The following CNIH3 variants were observed in gnomAD, a reference collection of about 807,000 sequenced individuals.
CNIH3 encodes the protein protein cornichon homolog 3.
Under a neutral mutation model 24.1 loss-of-function variants are expected in CNIH3, and 14 were observed. The observed-to-expected ratio is 0.58, with a 90% CI of 0.38 to 0.91. The LOEUF is 0.91. CNIH3 is among the 40% of genes least tolerant of loss of function. The probability of loss-of-function intolerance (pLI) is 0.00; values close to 1 mark genes in which losing one functional copy is unlikely to be tolerated. For missense variants in CNIH3, 178 were observed against 196.8 expected (o/e 0.90, Z 0.57); for synonymous variants, 68 against 73.8 (o/e 0.92, Z 0.40).
intron 1 of CNIH3, among the ~76,000 whole-genome samples, chr1:224,498,539 A>G (rs980782213): frequency 2.0e-5 from 3 of 152,330 alleles, no homozygotes; most frequent in Middle Eastern, 6.8e-3. Context: ...CAGATAAACT[A>G]TGTTGGTAGA....
intron 1 of CNIH3, among the ~76,000 whole-genome samples, chr1:224,647,550 C>T (rs1480069229): frequency 2.6e-5 from 4 of 152,092 alleles, no homozygotes; most frequent in African/African-American, 4.8e-5. Context: ...AAGGCTGTGG[C>T]GGGAAATTAT....
At position 224,470,473 on chromosome 1, in the gene CNIH3, C is replaced by T. The variant is rs528430497; in HGVS notation, n.203+35611C>T. On this transcript the variant is annotated intron_variant and non_coding_transcript_variant, in intron 1 of 5. Coordinates refer to the CNIH3 transcript ENST00000471578. ...AGGGCTACAGGTGTGTGCCACCAGG[C>T]CCAGCTAATTTTGTAAAACTTTTTT... 1.1e-3 allele frequency among the ~76,000 whole-genome samples: 169 copies of T among 152,072 alleles called. 1 individual carries two copies. Among genetic ancestry groups the T allele is most frequent in the Middle Eastern group, 0.01 (3 of 294 alleles).
intron 4 of CNIH3, chr1:224,574,896 C>T: frequency 9.9e-7 from 1 of 1,010,358 alleles, no homozygotes; most frequent in Non-Finnish European, 1.6e-6. Context: ...GGATGAAGGG[C>T]TGGTGAAAGC....
chr1:224,524,139 C>A (rs918042617), intron 2 of CNIH3, among the ~76,000 whole-genome samples: 2 of 152,196 alleles, frequency 1.3e-5, no homozygotes, highest in African/African-American at 4.8e-5. Context: ...AAATCTGCAC[C>A]ATCTGGAAAT....
At chr1:224,513,363 A>AGGG (rs1393338672), upstream of CNIH3, among the ~76,000 whole-genome samples, 5 of 53,908 alleles carry the variant, frequency 9.3e-5, no homozygotes, top group African/African-American at 2.9e-4. Flanking sequence ...TGGGGGTGGG[A>AGGG]GGGGGGGGGT....
At chr1:224,681,397 C>T (rs985413303) in intron 2 of CNIH3, among the ~76,000 whole-genome samples, 7 of 152,188 alleles carry the variant, frequency 4.6e-5, no homozygotes, top group African/African-American at 1.7e-4. Context: ...GTCCGTGCTG[C>T]ACTCTCCACC....
intron 1 of CNIH3, chr1:224,664,626 G>A (rs1685511444): frequency 6.6e-6 from 1 of 152,160 alleles, no homozygotes; most frequent in African/African-American, 2.4e-5. Flanking sequence ...ATATGAGTTT[G>A]GGGAATAGTT....
intron 1 of CNIH3, among the ~76,000 whole-genome samples, chr1:224,677,809 G>C (rs1044764268): frequency 6.6e-6 from 1 of 152,218 alleles, no homozygotes; most frequent in Non-Finnish European, 1.5e-5. Context: ...CACAATGTGG[G>C]GGCTTGGCTC....
chr1:224,577,483 A>G (rs1681084713), intron 4 of CNIH3, among the ~76,000 whole-genome samples: 1 of 152,248 alleles, frequency 6.6e-6, no homozygotes, highest in Non-Finnish European at 1.5e-5. Flanking sequence ...TATCAGGGAA[A>G]TGCAAATCAA....
At position 224,600,778 on chromosome 1, in the gene CNIH3, C is replaced by T. The variant is rs112645659; in HGVS notation, n.402+34514C>T. On this transcript the variant is annotated intron_variant and non_coding_transcript_variant, in intron 3 of 7. Transcript: ENST00000478120. ...CTGTATTTGGAGAAAGTCCCTATAA[C>T]GAGGTAATAAAGGTTAAACGGGGTC... Among the ~76,000 whole-genome samples the T allele has an allele frequency of 5.1e-3, 781 of 152,258 alleles. 4 individuals are homozygous for T. The highest frequency in any genetic ancestry group is 0.018 in the African/African-American group (736 of 41,532).
At chr1:224,689,674 C>T (rs896541242) in intron 3 of CNIH3, among the ~76,000 whole-genome samples, 1 of 152,196 alleles carries the variant, frequency 6.6e-6, no homozygotes, top group African/African-American at 2.4e-5. Flanking sequence ...CCTAAACACC[C>T]TAGAATGTGA....
chr1:224,684,769 T>C lies in CNIH3; in HGVS notation c.151-27T>C. 6.2e-7 allele frequency: 1 copy of C among 1,610,738 alleles called. No individual in the cohort carries two copies. ...TTAGCAGAACCCCTAACCTCCCCTCTCATTTCTTTCTTGTGCATCCTGATA... is the reference window on the plus strand; with the variant it reads ...TTAGCAGAACCCCTAACCTCCCCTCCCATTTCTTTCTTGTGCATCCTGATA... On this transcript the variant is annotated intron_variant, in intron 2 of 5. Coordinates refer to ENST00000272133, the MANE Select transcript of CNIH3 (RefSeq NM_152495.2). The surrounding 1 kb of genome is among the most constrained non-coding windows in gnomAD (Gnocchi z 4.2).
intron 1 of CNIH3, among the ~76,000 whole-genome samples, chr1:224,448,319 TG>T (rs1253369289): frequency 2.0e-5 from 3 of 152,202 alleles, no homozygotes; most frequent in African/African-American, 7.2e-5. Context: ...TACTTGCTTT[TG>T]AGTACCTGTG....
At chr1:224,669,960 C>G (rs959176482) in intron 1 of CNIH3, among the ~76,000 whole-genome samples, 2 of 152,176 alleles carry the variant, frequency 1.3e-5, no homozygotes, top group Non-Finnish European at 2.9e-5. Flanking sequence ...CCCCCACCCC[C>G]ACACCCAACA....
rs115007337 is a variant in CNIH3, at chr1:224,505,433, G to A, written n.204-10308G>A. Among the ~76,000 whole-genome samples the A allele has an allele frequency of 8.4e-3, 1,274 of 152,150 alleles. 15 individuals carry two copies. Among genetic ancestry groups the A allele is most frequent in the African/African-American group, 0.029 (1,188 of 41,484 alleles). ...GTTGTCTGTAAATCTGCAGAGTGAC[G>A]TTACTTCACAATGATGACATATTAC... On this transcript the variant is annotated intron_variant and non_coding_transcript_variant, in intron 1 of 5. Transcript: ENST00000471578.
At position 224,703,441 on chromosome 1, in the gene CNIH3, G is replaced by C. The variant is rs1687612870; in HGVS notation, c.198+18598G>C. ...AAACCAATTAAGTCATAATCTCTGG[G>C]GTGAGACTCAGCATCAGTATTTTAC... is the stretch of plus-strand genomic sequence containing the variant. On this transcript the variant is annotated intron_variant, in intron 3 of 5. Coordinates refer to ENST00000272133, the MANE Select transcript of CNIH3 (RefSeq NM_152495.2). The surrounding 1 kb of genome is among the most constrained non-coding windows in gnomAD (Gnocchi z 4.2). Among the ~76,000 whole-genome samples the C allele has an allele frequency of 6.6e-6, 1 of 152,118 alleles. No homozygotes were observed. The highest frequency in any genetic ancestry group is 1.5e-5 in the Non-Finnish European group (1 of 68,034).
In CNIH3 at chr1:224,603,370, G is replaced by A. The variant is rs140691413; in HGVS notation, n.402+37106G>A. ...CCCAAGATTTTAGTTTTCTTTCACAGGATCAATGCTATCTTCAGTGATTAA... is the reference window on the plus strand; with the variant it reads ...CCCAAGATTTTAGTTTTCTTTCACAAGATCAATGCTATCTTCAGTGATTAA... On this transcript the variant is annotated intron_variant and non_coding_transcript_variant, in intron 3 of 7. Coordinates refer to the CNIH3 transcript ENST00000478120. Among the ~76,000 whole-genome samples, 401 of 152,312 alleles carry A rather than the reference G, an allele frequency of 2.6e-3. 2 individuals carry two copies. The highest frequency in any genetic ancestry group is 3.0e-3 in the Non-Finnish European group (202 of 68,034).
intron 3 of CNIH3, among the ~76,000 whole-genome samples, chr1:224,686,702 A>G (rs901090346): frequency 2.0e-5 from 3 of 152,244 alleles, no homozygotes; most frequent in Admixed American, 1.3e-4. Context: ...ACAATGTTCC[A>G]TATCCATCAC....
At chr1:224,728,874 A>G (rs1689172673) in intron 3 of CNIH3, among the ~76,000 whole-genome samples, 2 of 152,250 alleles carry the variant, frequency 1.3e-5, no homozygotes, top group Non-Finnish European at 2.9e-5. Context: ...CCTAACTGCC[A>G]TGCATTGTAC....
Sources: allele counts gnomAD v4.1 joint callset (sites outside exome capture counted in the v4.1 genomes callset), GRCh38; gene constraint gnomAD v4.1.1; non-coding constraint Gnocchi (gnomAD v3.1); transcripts MANE v1.5; gene names NCBI Gene and HGNC (gene_info 2026-07-23, HGNC 2026-07-21).